Variants in EGFLAM observed in about 807,000 individuals in gnomAD.
EGFLAM encodes the protein pikachurin.
In EGFLAM, 79 loss-of-function variants were observed where a neutral mutation model predicts 113.1. The observed-to-expected ratio is 0.70, with a 90% CI of 0.58 to 0.84. The LOEUF is 0.84. Ranked by LOEUF, EGFLAM falls within the 40% of genes least tolerant of loss-of-function variation. The probability of loss-of-function intolerance (pLI) is 0.00; values close to 1 mark genes in which losing one functional copy is unlikely to be tolerated. For missense variants in EGFLAM, 1,265 were observed against 1,291.6 expected, an observed-to-expected ratio of 0.98 and a Z score of 0.32; for synonymous variants, 504 against 487.6, an observed-to-expected ratio of 1.03 and a Z score of -0.44.
At chr5:38,370,749 G>T (rs1197111832) in intron 6 of EGFLAM, among the ~76,000 whole-genome samples, 1 of 152,190 alleles carries the variant, frequency 6.6e-6, no homozygotes, top group Admixed American at 6.5e-5. Context: ...ATAGCAAAAT[G>T]ATATGCAGCC....
intron 19 of EGFLAM, 134 bp downstream of exon 19, chr5:38,451,592 A>T: frequency 7.8e-7 from 1 of 1,290,078 alleles, no homozygotes; most frequent in Non-Finnish European, 1.1e-6. Flanking sequence ...TTCAAGGCTT[A>T]TTGGAAGCTC....
At chr5:38,353,729 G>A (rs1739687961) in intron 5 of EGFLAM, among the ~76,000 whole-genome samples, 1 of 152,180 alleles carries the variant, frequency 6.6e-6, no homozygotes, top group Non-Finnish European at 1.5e-5. Flanking sequence ...AAATTCAGGG[G>A]AGGCTAGATC....
intron 20 of EGFLAM, among the ~76,000 whole-genome samples, chr5:38,459,021 C>G (rs914540646): frequency 7.2e-5 from 11 of 151,972 alleles, no homozygotes; most frequent in Admixed American, 4.6e-4. Context: ...AATCCTCCCC[C>G]CTCCCTCTGG....
chr5:38,288,351 T>C (rs1023867280), intron 1 of EGFLAM, among the ~76,000 whole-genome samples: 1 of 152,206 alleles, frequency 6.6e-6, no homozygotes, highest in African/African-American at 2.4e-5. Flanking sequence ...AGGTGGTCAG[T>C]TTCAAAACTG....
At chr5:38,297,800 A>G (rs762952636) in intron 1 of EGFLAM, among the ~76,000 whole-genome samples, 2 of 152,332 alleles carry the variant, frequency 1.3e-5, no homozygotes, top group Middle Eastern at 3.4e-3. Context: ...TAGGAGCTGT[A>G]CCAGTAATTT....
At chr5:38,265,105 C>A (rs1159699621) in intron 1 of EGFLAM, among the ~76,000 whole-genome samples, 1 of 152,188 alleles carries the variant, frequency 6.6e-6, no homozygotes, top group African/African-American at 2.4e-5. Context: ...TTTCCGAATT[C>A]TTTCTCAGGG....
At chr5:38,343,574 A>G (rs1418421239) in intron 3 of EGFLAM, among the ~76,000 whole-genome samples, 4 of 152,166 alleles carry the variant, frequency 2.6e-5, no homozygotes, top group African/African-American at 4.8e-5. Context: ...TCCAAAGCCA[A>G]TGCTGCCCCT....
At chr5:38,287,204 T>G (rs994710622) in intron 1 of EGFLAM, among the ~76,000 whole-genome samples, 1 of 152,208 alleles carries the variant, frequency 6.6e-6, no homozygotes, top group East Asian at 1.9e-4. Flanking sequence ...TTGGTCAGTT[T>G]CCATAATCTT....
intron 6 of EGFLAM, among the ~76,000 whole-genome samples, chr5:38,384,734 A>G (rs1740611266): frequency 6.6e-6 from 1 of 152,100 alleles, no homozygotes; most frequent in Non-Finnish European, 1.5e-5. Flanking sequence ...TCCCAGGCTC[A>G]TTCTACTGCA....
chr5:38,262,384 A>G (rs765530964), intron 1 of EGFLAM, among the ~76,000 whole-genome samples: 3 of 152,256 alleles, frequency 2.0e-5, no homozygotes, highest in Admixed American at 6.5e-5. Flanking sequence ...TATATGCAAT[A>G]AATTTCATCA....
At chr5:38,322,627 C>T (rs1408201486) in intron 1 of EGFLAM, among the ~76,000 whole-genome samples, 2 of 152,054 alleles carry the variant, frequency 1.3e-5, no homozygotes, top group Non-Finnish European at 2.9e-5. Flanking sequence ...ATGAGGAAAC[C>T]GAAGCACTCC....
chr5:38,378,333 T>C (rs561214723), intron 6 of EGFLAM, among the ~76,000 whole-genome samples: 43 of 152,220 alleles, frequency 2.8e-4, no homozygotes, highest in African/African-American at 1.0e-3. Context: ...GCCGCTGTGT[T>C]TTTCATTGCC....
chr5:38,258,873 A>T, intron 1 of EGFLAM, 22 bp downstream of exon 1: 1 of 1,601,236 alleles, frequency 6.2e-7, no homozygotes, highest in Non-Finnish European at 8.5e-7. Flanking sequence ...CTCCGCCCAG[A>T]GCCACCACGC....
intron 1 of EGFLAM, among the ~76,000 whole-genome samples, chr5:38,321,736 A>G (rs764993105): frequency 1.3e-5 from 2 of 152,166 alleles, no homozygotes; most frequent in Non-Finnish European, 2.9e-5. Flanking sequence ...CTTGGGCCAG[A>G]AGAATCCGTC....
intron 6 of EGFLAM, among the ~76,000 whole-genome samples, chr5:38,384,541 T>C (rs957132459): frequency 5.9e-5 from 9 of 152,206 alleles, no homozygotes; most frequent in Non-Finnish European, 1.2e-4. Context: ...GGGATGCCTT[T>C]GCCTTTCTTA....
At chr5:38,457,190 T>C (rs1743115545) in intron 19 of EGFLAM, among the ~76,000 whole-genome samples, 1 of 152,212 alleles carries the variant, frequency 6.6e-6, no homozygotes, top group Non-Finnish European at 1.5e-5. Context: ...CAAATTCCCT[T>C]AATCTCTCTG....
At chr5:38,424,192 A>G (rs1355492482) in intron 12 of EGFLAM, among the ~76,000 whole-genome samples, 2 of 152,246 alleles carry the variant, frequency 1.3e-5, no homozygotes, top group Non-Finnish European at 2.9e-5. Flanking sequence ...AAAACAGCCC[A>G]TGAAAAGTCC....
At chr5:38,406,088 C>T in intron 6 of EGFLAM, 38 bp from the exon 7 acceptor site, 3 of 1,531,158 alleles carry the variant, frequency 2.0e-6, no homozygotes, top group Non-Finnish European at 2.7e-6. Context: ...CAAAGAAGGC[C>T]TGTGCTGATG....
At chr5:38,274,025 A>T (rs367792655) in intron 1 of EGFLAM, among the ~76,000 whole-genome samples, 61 of 152,366 alleles carry the variant, frequency 4.0e-4, no homozygotes, top group African/African-American at 1.5e-3. Flanking sequence ...TAACAGAGAA[A>T]TATTAAAAAA....
Sources: allele counts gnomAD v4.1 joint callset (sites outside exome capture counted in the v4.1 genomes callset), GRCh38; gene constraint gnomAD v4.1.1; transcripts MANE v1.5; gene names NCBI Gene and HGNC (gene_info 2026-07-23, HGNC 2026-07-21).